Variants in RFTN1 observed in about 807,000 individuals in gnomAD.
RFTN1 encodes the protein raftlin, lipid raft linker 1, also known as raftlin.
A neutral mutation model predicts 46.5 loss-of-function variants in RFTN1; 26 were observed. That is an observed-to-expected ratio of 0.56 (90% CI 0.41 to 0.78). The LOEUF (loss-of-function observed/expected upper bound fraction) is 0.78, where lower values mean the gene tolerates loss of function less well. RFTN1 is among the 30% of genes least tolerant of loss of function. The pLI, the probability that RFTN1 is intolerant of heterozygous loss-of-function variation, is 0.00. For synonymous variants in RFTN1, 261 were observed against 284.2 expected, an observed-to-expected ratio of 0.92 and a Z score of 0.82; for missense variants, 693 against 718.7, an observed-to-expected ratio of 0.96 and a Z score of 0.41.
chr3:16,347,711 G>C (rs1427697454), intron 7 of RFTN1: 1 of 152,260 alleles, frequency 6.6e-6, no homozygotes, highest in African/African-American at 2.4e-5. Context: ...TCAGAGGAGA[G>C]AGGAGGATTC....
chr3:16,333,773 A>G (rs1023115999), intron 7 of RFTN1, among the ~76,000 whole-genome samples: 5 of 152,224 alleles, frequency 3.3e-5, no homozygotes, highest in African/African-American at 1.2e-4. Flanking sequence ...CCAATAATCC[A>G]AATTTTAAAA....
intron 2 of RFTN1, among the ~76,000 whole-genome samples, chr3:16,454,487 C>T (rs1247419426): frequency 1.4e-5 from 2 of 142,278 alleles, no homozygotes; most frequent in East Asian, 2.0e-4. Context: ...AGTCTGAGGA[C>T]GATTGTGTGA....
At chr3:16,389,141 T>G (rs2074286065) in intron 4 of RFTN1, among the ~76,000 whole-genome samples, 1 of 152,258 alleles carries the variant, frequency 6.6e-6, no homozygotes, top group African/African-American at 2.4e-5. Flanking sequence ...TCCAAAGCAT[T>G]AATGAAACAC....
Position 16,370,977 on chromosome 3 carries a change from C to G in RFTN1, c.827-698G>C, listed in dbSNP as rs1273195540. 3 of 152,244 alleles carry G rather than the reference C, an allele frequency of 2.0e-5. No homozygotes were observed. The East Asian group carries it at 5.8e-4, about 29-fold the overall frequency. 9.4% of individuals were successfully genotyped at this position (152,244 alleles called of 1,614,324 possible). Reference sequence around the variant, plus strand: ...GCAATCAATAATCACTGCCACCCAGCAGCTGAGCCGCAACTGCCTACGTGC... The same window carrying G: ...GCAATCAATAATCACTGCCACCCAGGAGCTGAGCCGCAACTGCCTACGTGC... On this transcript the variant is annotated intron_variant, in intron 5 of 9. Transcript: ENST00000334133. This position sits in a 1 kb window ranked among gnomAD's most constrained non-coding sequence, Gnocchi z 5.5.
rs573149108 is a variant in RFTN1, at chr3:16,487,996, G to A, written c.145+5729C>T. On this transcript the variant is annotated intron_variant, in intron 2 of 9. Transcript: ENST00000334133. ...TCACTGTAAGATTCCTGCTGCTTTC[G>A]CCTCTGCCAGCCCCACAAGTGAGGC... 1.6e-3 allele frequency among the ~76,000 whole-genome samples: 237 copies of A among 152,078 alleles called. 2 individuals carry two copies. Among genetic ancestry groups the A allele is most frequent in the African/African-American group, 5.5e-3 (227 of 41,452 alleles).
intron 7 of RFTN1, among the ~76,000 whole-genome samples, chr3:16,355,173 G>C (rs1263261736): frequency 6.6e-6 from 1 of 152,168 alleles, no homozygotes; most frequent in African/African-American, 2.4e-5. Flanking sequence ...GCTCTTTCTA[G>C]CCTGTATGTC....
rs2076224954 is a variant in RFTN1 at position 16,473,121 on chromosome 3, C to T, written c.145+20604G>A. ...AGTGACTTTGGACAACCATGGTGTA[C>T]ACACACGTACACACATACACAAACA... On this transcript the variant is annotated intron_variant, in intron 2 of 9. Transcript: ENST00000334133. This position sits in a 1 kb window ranked among gnomAD's most constrained non-coding sequence, Gnocchi z 5.3. Among the ~76,000 whole-genome samples the T allele has an allele frequency of 6.6e-6, 1 of 152,220 alleles. No individual in the cohort carries two copies. The highest frequency in any genetic ancestry group is 6.5e-5 in the Admixed American group (1 of 15,282).
In RFTN1 at chr3:16,374,419, G is replaced by T. The variant is rs2073661824; in HGVS notation, c.826+3299C>A. ...AGATCTGGGAGGGGGCCGCATCATGGGGTCCAACTATCCCAAGGGAGTTGG... is the reference window on the plus strand; with the variant it reads ...AGATCTGGGAGGGGGCCGCATCATGTGGTCCAACTATCCCAAGGGAGTTGG... On this transcript the variant is annotated intron_variant, in intron 5 of 9. Coordinates refer to ENST00000334133, the MANE Select transcript of RFTN1 (RefSeq NM_015150.2). This position sits in a 1 kb window ranked among gnomAD's most constrained non-coding sequence, Gnocchi z 5.4. 6.6e-6 allele frequency among the ~76,000 whole-genome samples: 1 copy of T among 152,168 alleles called. No individual in the cohort carries two copies. Among genetic ancestry groups the T allele is most frequent in the South Asian group, 2.1e-4 (1 of 4,824 alleles).
intron 4 of RFTN1, among the ~76,000 whole-genome samples, chr3:16,404,578 T>A (rs62236339): frequency 0.06 from 9,037 of 149,872 alleles, 342 homozygotes; most frequent in Middle Eastern, 0.12. Flanking sequence ...AGAACAGCCT[T>A]CCTTCTCTTT....
Position 16,489,287 on chromosome 3 carries a change from G to A in RFTN1, c.145+4438C>T, listed in dbSNP as rs558946027. Among the ~76,000 whole-genome samples, 1 of 152,096 alleles carries A rather than the reference G, an allele frequency of 6.6e-6. No homozygotes were observed. The highest frequency in any genetic ancestry group is 3.4e-3 in the Middle Eastern group (1 of 292). ...AAAAAAATTAGCTGGGCATGGTGGCGGGCACCTGTAATCCCAACTACTCGG... is the reference window on the plus strand; with the variant it reads ...AAAAAAATTAGCTGGGCATGGTGGCAGGCACCTGTAATCCCAACTACTCGG... On this transcript the variant is annotated intron_variant, in intron 2 of 9. Coordinates refer to ENST00000334133, the MANE Select transcript of RFTN1 (RefSeq NM_015150.2). This position sits in a 1 kb window ranked among gnomAD's most constrained non-coding sequence, Gnocchi z 4.0.
rs1431739949 is a variant in RFTN1 at position 16,344,413 on chromosome 3, T to C, written c.1146+13519A>G. The stretch of plus-strand genomic sequence containing the variant: ...GAAACAACATGTAAAAACAGATACA[T>C]TCAGAAAAGGCGGCTCTGGTTGACA... On this transcript the variant is annotated intron_variant, in intron 7 of 9. Transcript: ENST00000334133. The surrounding 1 kb of genome is among the most constrained non-coding windows in gnomAD (Gnocchi z 4.4). Among the ~76,000 whole-genome samples the C allele has an allele frequency of 6.6e-6, 1 of 152,028 alleles. No homozygotes were observed. Among genetic ancestry groups the C allele is most frequent in the Non-Finnish European group, 1.5e-5 (1 of 68,008 alleles).
At chr3:16,408,183 TC>T (rs995952626) in intron 4 of RFTN1, among the ~76,000 whole-genome samples, 19 of 152,002 alleles carry the variant, frequency 1.2e-4, no homozygotes, top group African/African-American at 4.4e-4. Context: ...TGTACACTGT[TC>T]CCTGTTTGGA....
Position 16,326,696 on chromosome 3 carries a change from G to A in RFTN1, c.1250+77C>T, listed in dbSNP as rs544519382. 1.3e-4 allele frequency: 132 copies of A among 1,053,812 alleles called. 1 individual carries two copies. The highest frequency in any genetic ancestry group is 6.1e-4 in the Middle Eastern group (3 of 4,932). The allele number at this position is 1,053,812 out of a possible 1,614,324, so 65.3% of individuals were successfully genotyped here. ...GCACAGGATTAAATAATTTATAGACGTGAGGTGCTCATTAGGAACAGTGAC... is the reference window on the plus strand; with the variant it reads ...GCACAGGATTAAATAATTTATAGACATGAGGTGCTCATTAGGAACAGTGAC... On this transcript the variant is annotated intron_variant, in intron 8 of 9. Transcript: ENST00000334133.
At chr3:16,437,994 G>A (rs1448935172) in intron 2 of RFTN1, among the ~76,000 whole-genome samples, 1 of 151,922 alleles carries the variant, frequency 6.6e-6, no homozygotes, top group Non-Finnish European at 1.5e-5. Context: ...TTTATGGAAG[G>A]CAACTGCACG....
intron 6 of RFTN1, among the ~76,000 whole-genome samples, chr3:16,366,442 C>G (rs973072332): frequency 4.0e-5 from 6 of 150,284 alleles, no homozygotes; most frequent in African/African-American, 1.2e-4. Flanking sequence ...TATATGTGGC[C>G]CCTGGACTCA....
At chr3:16,493,394 G>A (rs755297650) in intron 2 of RFTN1, among the ~76,000 whole-genome samples, 21 of 152,038 alleles carry the variant, frequency 1.4e-4, no homozygotes, top group Non-Finnish European at 2.5e-4. Context: ...ACCACGCCTG[G>A]CTAACTTTTT....
chr3:16,393,740 G>T (rs946109533), intron 4 of RFTN1, among the ~76,000 whole-genome samples: 16 of 151,104 alleles, frequency 1.1e-4, no homozygotes, highest in Non-Finnish European at 1.9e-4. Context: ...CTTACTGCCA[G>T]CTCCACCTCC....
Position 16,358,046 on chromosome 3 carries a change from A to G in RFTN1, c.1032T>C (p.Asp344=). The change falls in exon 7 of 10, where the codon GAT becomes GAC. Residue 344 remains aspartate (D), a splice_region_variant and synonymous_variant. Transcript: ENST00000334133. ...CTCCATCTGTCAAGCCATGTAAGGA[A>G]TCTGTGGAAAAAGAAAAAGGCGGGG... ...NAVFYLGIVN[D]SLHGLTDGVF... The G allele has an allele frequency of 9.0e-7, 1 of 1,110,162 alleles. No individual in the cohort carries two copies. 68.8% of individuals were successfully genotyped at this position (1,110,162 alleles called of 1,614,324 possible). A position where few individuals can be genotyped will look rare whatever the true frequency, so the allele number is the denominator to read the frequency against.
chr3:16,378,122 A>C lies in RFTN1; in HGVS notation c.442-20T>G. 6.3e-7 allele frequency: 1 copy of C among 1,595,108 alleles called. No individual in the cohort carries two copies. Among genetic ancestry groups the C allele is most frequent in the Non-Finnish European group, 8.6e-7 (1 of 1,164,396 alleles). On this transcript the variant is annotated intron_variant, in intron 4 of 9. Coordinates refer to ENST00000334133, the MANE Select transcript of RFTN1 (RefSeq NM_015150.2). ...CTGGATCTGTGAGGCAAACAAAAGG[A>C]AGGGAAACAAGTGAATGAAATGGTC...
Sources: gnomAD v4.1 joint callset for allele counts (sites outside exome capture counted in the v4.1 genomes callset) on GRCh38, gnomAD v4.1.1 for gene constraint, Gnocchi (gnomAD v3.1) non-coding constraint, MANE v1.5 for transcripts, NCBI Gene and HGNC (gene_info 2026-07-23, HGNC 2026-07-21) for gene names.